Variants in AGMO observed in about 807,000 individuals in gnomAD.
AGMO encodes alkylglycerol monooxygenase, also known as glyceryl-ether monooxygenase.
A neutral mutation model predicts 60.2 loss-of-function variants in AGMO; 75 were observed. The observed-to-expected ratio is 1.25, with a 90% CI of 1.03 to 1.51. The LOEUF is 1.51. Among genes scored for constraint, AGMO ranks in the 40% most tolerant of loss-of-function variants. The pLI is 0.00. For missense variants in AGMO, 763 were observed against 525.5 expected, an observed-to-expected ratio of 1.45 and a Z score of -4.42; for synonymous variants, 261 against 177.1, an observed-to-expected ratio of 1.47 and a Z score of -3.76.
At chr7:15,476,197 G>C (rs1366015240) in intron 3 of AGMO, among the ~76,000 whole-genome samples, 1 of 152,112 alleles carries the variant, frequency 6.6e-6, no homozygotes, top group African/African-American at 2.4e-5. Context: ...AAGAATCCTT[G>C]CTGCTCGAGT....
At position 15,516,126 on chromosome 7, in the gene AGMO, A is replaced by G. The variant is rs143138495; in HGVS notation, c.409+28646T>C. On this transcript the variant is annotated intron_variant, in intron 3 of 12. Transcript: ENST00000342526. ...TATTTCAAAACATAATGTTTTACACAATAAATATATACAAATTTTAATCAA... is the reference window on the plus strand; with the variant it reads ...TATTTCAAAACATAATGTTTTACACGATAAATATATACAAATTTTAATCAA... Among the ~76,000 whole-genome samples the G allele has an allele frequency of 4.6e-3, 698 of 152,340 alleles. 4 individuals are homozygous for G. Among genetic ancestry groups the G allele is most frequent in the African/African-American group, 0.014 (566 of 41,578 alleles).
chr7:15,469,058 A>C (rs1782369021), intron 3 of AGMO, among the ~76,000 whole-genome samples: 1 of 152,054 alleles, frequency 6.6e-6, no homozygotes, highest in Non-Finnish European at 1.5e-5. Flanking sequence ...TAAGATTTTT[A>C]ATGTGGGAAT....
chr7:15,553,795 T>C (rs1222888040), intron 2 of AGMO, among the ~76,000 whole-genome samples: 1 of 152,096 alleles, frequency 6.6e-6, no homozygotes, highest in East Asian at 1.9e-4. Flanking sequence ...TGCCAGGTCT[T>C]GAGCAGACAC....
intron 12 of AGMO, among the ~76,000 whole-genome samples, chr7:15,280,860 G>C (rs1279008600): frequency 6.6e-6 from 1 of 152,178 alleles, no homozygotes; most frequent in East Asian, 1.9e-4. Flanking sequence ...ACACACTATG[G>C]CTATTTATAA....
At chr7:15,437,404 A>G (rs1045418427) in intron 3 of AGMO, among the ~76,000 whole-genome samples, 5 of 152,208 alleles carry the variant, frequency 3.3e-5, no homozygotes, top group African/African-American at 1.2e-4. Flanking sequence ...TACCAAATTA[A>G]TTAGAATAAA....
At chr7:15,507,400 C>G (rs956529493) in intron 3 of AGMO, among the ~76,000 whole-genome samples, 3 of 152,032 alleles carry the variant, frequency 2.0e-5, no homozygotes, top group African/African-American at 7.2e-5. Flanking sequence ...AAACTTGAAT[C>G]TTATCCAGCC....
chr7:15,516,151 A>G (rs1360758072), intron 3 of AGMO, among the ~76,000 whole-genome samples: 1 of 152,188 alleles, frequency 6.6e-6, no homozygotes, highest in East Asian at 1.9e-4. Flanking sequence ...ATTTTAATCA[A>G]TTAAAAATAA....
intron 10 of AGMO, among the ~76,000 whole-genome samples, chr7:15,384,392 C>G (rs1328554933): frequency 6.6e-6 from 1 of 152,166 alleles, no homozygotes; most frequent in African/African-American, 2.4e-5. Context: ...AGTTGCCTCA[C>G]TGGATTCATA....
intron 12 of AGMO, among the ~76,000 whole-genome samples, chr7:15,280,195 G>T (rs1453808329): frequency 6.6e-6 from 1 of 152,132 alleles, no homozygotes; most frequent in Admixed American, 6.5e-5. Context: ...AAGGTTTATG[G>T]CCTGGGTCAG....
chr7:15,206,699 C>A (rs923585751), intron 12 of AGMO, among the ~76,000 whole-genome samples: 5 of 151,958 alleles, frequency 3.3e-5, no homozygotes, highest in Non-Finnish European at 7.4e-5. Context: ...TGTTGCACAC[C>A]TTATTGAAAA....
the AGMO span, among the ~76,000 whole-genome samples, chr7:15,157,941 T>C: frequency 6.6e-5 from 10 of 152,322 alleles, no homozygotes; most frequent in Non-Finnish European, 1.3e-4. Context: ...GAAATGCAGA[T>C]TCTGGGGCTC....
At chr7:15,242,802 T>C (rs376998695) in intron 12 of AGMO, among the ~76,000 whole-genome samples, 2 of 152,126 alleles carry the variant, frequency 1.3e-5, no homozygotes, top group Non-Finnish European at 2.9e-5. Flanking sequence ...TGAAACAATG[T>C]CACCTGATAA....
chr7:15,206,930 C>T (rs533605282), intron 12 of AGMO, among the ~76,000 whole-genome samples: 32 of 152,074 alleles, frequency 2.1e-4, no homozygotes, highest in Non-Finnish European at 4.1e-4. Flanking sequence ...ACAAAAAGTA[C>T]TAGCTTAATT....
intron 12 of AGMO, among the ~76,000 whole-genome samples, chr7:15,255,945 T>C (rs1783084377): frequency 6.6e-6 from 1 of 152,066 alleles, no homozygotes; most frequent in Non-Finnish European, 1.5e-5. Flanking sequence ...GGATTCAATC[T>C]GAATAAGAGA....
At chr7:15,266,594 C>A (rs533792187) in intron 12 of AGMO, among the ~76,000 whole-genome samples, 1 of 151,812 alleles carries the variant, frequency 6.6e-6, no homozygotes, top group African/African-American at 2.4e-5. Context: ...CAGCTGCTTT[C>A]TCGGGTGCCC....
chr7:15,212,831 A>T (rs1017827317), intron 12 of AGMO, among the ~76,000 whole-genome samples: 5 of 151,972 alleles, frequency 3.3e-5, no homozygotes, highest in Non-Finnish European at 5.9e-5. Flanking sequence ...TGAAAAAGAT[A>T]CTGAGCTTAC....
the AGMO span, among the ~76,000 whole-genome samples, chr7:15,138,981 C>T: frequency 4.6e-5 from 7 of 152,032 alleles, no homozygotes; most frequent in Admixed American, 4.6e-4. Flanking sequence ...AATAAATATC[C>T]TCCCTGAACT....
At chr7:15,253,563 T>A (rs1428999617) in intron 12 of AGMO, among the ~76,000 whole-genome samples, 2 of 152,140 alleles carry the variant, frequency 1.3e-5, no homozygotes, top group Admixed American at 6.5e-5. Context: ...ACATCTTTTT[T>A]TAAAATGGAC....
the AGMO span, among the ~76,000 whole-genome samples, chr7:15,190,610 G>A: frequency 6.6e-6 from 1 of 152,068 alleles, no homozygotes; most frequent in South Asian, 2.1e-4. Flanking sequence ...CATTAGAATT[G>A]TCTGGCTCCC....
Sources: allele counts gnomAD v4.1 joint callset (sites outside exome capture counted in the v4.1 genomes callset), GRCh38; gene constraint gnomAD v4.1.1; transcripts MANE v1.5; gene names NCBI Gene and HGNC (gene_info 2026-07-23, HGNC 2026-07-21).